RNGTT: variants seen among roughly 807,000 people sequenced by gnomAD.
The protein encoded by RNGTT is mRNA-capping enzyme.
RNGTT carries 33 observed loss-of-function variants against 79.3 expected under a neutral mutation model. The observed-to-expected ratio is 0.42, with a 90% confidence interval of 0.32 to 0.56. RNGTT has a LOEUF of 0.56. RNGTT is among the 20% of genes least tolerant of loss of function. The pLI, the probability that RNGTT is intolerant of heterozygous loss-of-function variation, is 0.17. For missense variants in RNGTT, 497 were observed against 739.1 expected (o/e 0.67, Z 3.80); for synonymous variants, 222 against 235.9 (o/e 0.94, Z 0.54).
At chr6:88,826,485 G>A (rs1039152629) in intron 11 of RNGTT, among the ~76,000 whole-genome samples, 10 of 151,854 alleles carry the variant, frequency 6.6e-5, no homozygotes, top group African/African-American at 1.2e-4. Context: ...GGCTCTGCTC[G>A]AAGTATAAAA....
chr6:88,713,886 T>A (rs537015168), intron 13 of RNGTT, among the ~76,000 whole-genome samples: 34 of 152,316 alleles, frequency 2.2e-4, no homozygotes, highest in Admixed American at 5.2e-4. Context: ...AATTGGATAA[T>A]CTTTTCTTCC....
At chr6:88,640,158 G>A (rs1773253485) in intron 14 of RNGTT, among the ~76,000 whole-genome samples, 1 of 152,130 alleles carries the variant, frequency 6.6e-6, no homozygotes, top group African/African-American at 2.4e-5. Context: ...GAATCCCAGT[G>A]CCTATCAAAG....
chr6:88,834,054 A>T (rs1231300217), intron 11 of RNGTT, among the ~76,000 whole-genome samples: 1 of 152,134 alleles, frequency 6.6e-6, no homozygotes, highest in Non-Finnish European at 1.5e-5. Context: ...TAAAATAATA[A>T]TCATCATTTT....
intron 4 of RNGTT, among the ~76,000 whole-genome samples, chr6:88,907,057 G>A (rs1481056539): frequency 6.6e-6 from 1 of 152,140 alleles, no homozygotes; most frequent in Non-Finnish European, 1.5e-5. Context: ...AAGCTCTCTA[G>A]AAACCAACTA....
chr6:88,810,094 T>A lies in RNGTT; in HGVS notation c.1270-8462A>T, dbSNP rs1252734948. Among the ~76,000 whole-genome samples, 5 of 152,002 alleles carry A rather than the reference T, an allele frequency of 3.3e-5. No individual in the cohort carries two copies. In the South Asian group the frequency reaches 6.3e-4, roughly 19 times the overall value. On this transcript the variant is annotated intron_variant, in intron 11 of 15. Transcript: ENST00000369485. ...TTACCCATTTTTATAATAAAAAAAA[T>A]TAAGAAAAAGGTTACAAATCAACGA...
chr6:88,801,711 T>A, intron 11 of RNGTT, 79 bp from the exon 12 acceptor site: 1 of 907,670 alleles, frequency 1.1e-6, no homozygotes, highest in Non-Finnish European at 1.7e-6. Context: ...CTAAGCTTTA[T>A]AAAAACTTCT....
intron 11 of RNGTT, among the ~76,000 whole-genome samples, chr6:88,834,280 C>T (rs1047189164): frequency 3.9e-5 from 6 of 152,120 alleles, no homozygotes; most frequent in African/African-American, 1.4e-4. Context: ...TAAATCTTTA[C>T]GTTCACCGTA....
intron 13 of RNGTT, among the ~76,000 whole-genome samples, chr6:88,727,461 A>G (rs1354076895): frequency 6.6e-6 from 1 of 152,212 alleles, no homozygotes; most frequent in Non-Finnish European, 1.5e-5. Context: ...AAATAAAAGC[A>G]CAACAGGTTT....
chr6:88,844,168 A>G (rs960986190), intron 11 of RNGTT, among the ~76,000 whole-genome samples, 189 bp downstream of exon 11: 2 of 152,070 alleles, frequency 1.3e-5, no homozygotes, highest in African/African-American at 4.8e-5. Flanking sequence ...AGGTGCCACC[A>G]CTGAGAATCT....
chr6:88,907,345 T>C (rs13362625), intron 4 of RNGTT, among the ~76,000 whole-genome samples: 5,187 of 152,176 alleles, frequency 0.034, 312 homozygotes, highest in African/African-American at 0.12. Flanking sequence ...TCTCATGAGA[T>C]CTGATGGTTT....
chr6:88,840,083 A>T (rs9451094), intron 11 of RNGTT, among the ~76,000 whole-genome samples: 3,902 of 152,282 alleles, frequency 0.026, 174 homozygotes, highest in African/African-American at 0.089. Context: ...AAAACTTCAT[A>T]AAAGCTACCA....
chr6:88,748,371 T>G lies in RNGTT; in HGVS notation c.1439+21403A>C, dbSNP rs561030662. On this transcript the variant is annotated intron_variant, in intron 13 of 15. Coordinates refer to ENST00000369485, the MANE Select transcript of RNGTT (RefSeq NM_003800.5). ...AGGCTCCAAGGCCTATACAGGATCT[T>G]TTGCTCCAGCTATTTCTTCCATCTG... Among the ~76,000 whole-genome samples the G allele has an allele frequency of 2.6e-5, 4 of 152,184 alleles. No individual in the cohort carries two copies. The South Asian group carries it at 8.3e-4, about 32-fold the overall frequency.
At chr6:88,682,455 A>G (rs1196463055) in intron 13 of RNGTT, among the ~76,000 whole-genome samples, 2 of 152,258 alleles carry the variant, frequency 1.3e-5, no homozygotes, top group Admixed American at 6.5e-5. Flanking sequence ...CACTGAATAT[A>G]GGATCAGTAG....
At position 88,702,490 on chromosome 6, in the gene RNGTT, G is replaced by A. The variant is rs146800547; in HGVS notation, c.1440-24071C>T. ...CTCCCTATTCAATATATTGTCCTGG[G>A]ATAGCTGGCTAGCCATATGCAGAAG... On this transcript the variant is annotated intron_variant, in intron 13 of 15. Coordinates refer to ENST00000369485, the MANE Select transcript of RNGTT (RefSeq NM_003800.5). Among the ~76,000 whole-genome samples, 714 of 152,196 alleles carry A rather than the reference G, an allele frequency of 4.7e-3. 3 individuals carry two copies. The highest frequency in any genetic ancestry group is 6.5e-3 in the Non-Finnish European group (440 of 67,994).
chr6:88,840,205 T>C (rs571985636), intron 11 of RNGTT, among the ~76,000 whole-genome samples: 2 of 152,280 alleles, frequency 1.3e-5, no homozygotes, highest in Admixed American at 1.3e-4. Flanking sequence ...AACCTGTCAA[T>C]TGTAGTTATT....
intron 12 of RNGTT, among the ~76,000 whole-genome samples, chr6:88,777,067 A>G (rs1394179764): frequency 6.6e-6 from 1 of 152,120 alleles, no homozygotes; most frequent in African/African-American, 2.4e-5. Flanking sequence ...TTGTATATGG[A>G]TATTCAAGCT....
chr6:88,705,279 A>G (rs1776092937), intron 13 of RNGTT, among the ~76,000 whole-genome samples: 1 of 152,204 alleles, frequency 6.6e-6, no homozygotes, highest in Non-Finnish European at 1.5e-5. Context: ...AAAAAGCAAC[A>G]CAAACAAAAA....
chr6:88,839,056 CAA>C (rs34355123), intron 11 of RNGTT, among the ~76,000 whole-genome samples: 4,259 of 131,792 alleles, frequency 0.032, 79 homozygotes, highest in Middle Eastern at 0.085. Flanking sequence ...TATCTATATG[CAA>C]AAAAAAAAAA....
At chr6:88,712,566 C>G (rs1776354464) in intron 13 of RNGTT, among the ~76,000 whole-genome samples, 1 of 152,178 alleles carries the variant, frequency 6.6e-6, no homozygotes, top group Admixed American at 6.5e-5. Flanking sequence ...CCTACCTTGG[C>G]CTCCCAAAAT....
Sources: gnomAD v4.1 joint callset for allele counts (sites outside exome capture counted in the v4.1 genomes callset) on GRCh38, gnomAD v4.1.1 for gene constraint, MANE v1.5 for transcripts, NCBI Gene and HGNC (gene_info 2026-07-23, HGNC 2026-07-21) for gene names.